The following CFAP54 variants were observed in gnomAD, a reference collection of about 807,000 sequenced individuals.
CFAP54 encodes cilia- and flagella-associated protein 54.
A neutral mutation model predicts 370.4 loss-of-function variants in CFAP54; 290 were observed. The ratio of observed to expected loss-of-function variants is 0.78; its 90% CI spans 0.71 to 0.86. The LOEUF is 0.86. Ranked by LOEUF, CFAP54 falls within the 40% of genes least tolerant of loss-of-function variation. CFAP54 has a pLI of 0.00. For synonymous variants in CFAP54, 1,206 were observed against 1,236.5 expected (o/e 0.98, Z 0.52); for missense variants, 3,399 against 3,528.7 (o/e 0.96, Z 0.93).
chr12:96,621,456 T>C (rs1282861866), intron 26 of CFAP54, 134 bp from the exon 27 acceptor site: 3 of 567,908 alleles, frequency 5.3e-6, no homozygotes, highest in African/African-American at 1.9e-5. Context: ...AAACTTACGG[T>C]TTTTTTTAAA....
chr12:96,496,122 A>G lies in CFAP54; in HGVS notation c.318-4712A>G, dbSNP rs55875930. On this transcript the variant is annotated intron_variant, in intron 1 of 67. Transcript: ENST00000524981. ...GTCATTGTTATTTATTACTTGGTAT[A>G]TGCATATATTTTTCTACCTAAATAT... Among the ~76,000 whole-genome samples, 498 of 152,318 alleles carry G rather than the reference A, an allele frequency of 3.3e-3. 3 individuals carry two copies. Among genetic ancestry groups the G allele is most frequent in the Non-Finnish European group, 5.9e-3 (398 of 68,032 alleles).
rs150497244 is a variant in CFAP54 at position 96,796,963 on chromosome 12, A to G, written c.8850+4464A>G. ...TTCTTACCTAATATATGCATTTTGA[A>G]GCTATGACTTTCTCTCTAAACATTG... On this transcript the variant is annotated intron_variant, in intron 63 of 67. Coordinates refer to ENST00000524981, the MANE Select transcript of CFAP54 (RefSeq NM_001306084.2). Among the ~76,000 whole-genome samples, 307 of 152,236 alleles carry G rather than the reference A, an allele frequency of 2.0e-3. 4 individuals carry two copies. In the South Asian group the frequency reaches 0.026, roughly 13 times the overall value.
intron 39 of CFAP54, among the ~76,000 whole-genome samples, chr12:96,664,527 T>C (rs1395884817): frequency 2.6e-5 from 4 of 151,814 alleles, no homozygotes; most frequent in Admixed American, 6.6e-5. Flanking sequence ...TTATCCAGTC[T>C]ATCATCGATG....
rs1016732993 is a variant in CFAP54 at position 96,522,215 on chromosome 12, T to G, written c.1158+26T>G. 4.3e-6 allele frequency: 6 copies of G among 1,410,250 alleles called. No individual in the cohort carries two copies. The African/African-American group carries it at 8.6e-5, about 20-fold the overall frequency. The allele number at this position is 1,410,250 out of a possible 1,614,324, so 87.4% of individuals were successfully genotyped here. ...GTAAGTCTAAACATGTCTTCTCTCTTTAAGACTCTTTTTGCAGTATATTTG... is the reference window on the plus strand; with the variant it reads ...GTAAGTCTAAACATGTCTTCTCTCTGTAAGACTCTTTTTGCAGTATATTTG... On this transcript the variant is annotated intron_variant, in intron 8 of 67. Coordinates refer to ENST00000524981, the MANE Select transcript of CFAP54 (RefSeq NM_001306084.2).
chr12:96,774,097 G>C (rs1179516415), intron 60 of CFAP54, among the ~76,000 whole-genome samples: 1 of 152,030 alleles, frequency 6.6e-6, no homozygotes, highest in East Asian at 1.9e-4. Flanking sequence ...ATCTTGTGAG[G>C]ACTAAGCTTG....
At chr12:96,643,158 T>G (rs990696626) in intron 32 of CFAP54, among the ~76,000 whole-genome samples, 7 of 152,174 alleles carry the variant, frequency 4.6e-5, no homozygotes, top group African/African-American at 1.4e-4. Flanking sequence ...AGATTCACAT[T>G]TATTGGGAAA....
At chr12:96,562,087 C>G (rs1955821758) in intron 17 of CFAP54, among the ~76,000 whole-genome samples, 1 of 151,848 alleles carries the variant, frequency 6.6e-6, no homozygotes, top group Non-Finnish European at 1.5e-5. Flanking sequence ...CGCCTGACCA[C>G]AAGTTCTTTT....
chr12:96,506,391 T>C (rs1427689224), intron 3 of CFAP54, among the ~76,000 whole-genome samples: 1 of 151,632 alleles, frequency 6.6e-6, no homozygotes, highest in Non-Finnish European at 1.5e-5. Context: ...ATAGGATTTG[T>C]TTTTCTTTCT....
chr12:96,571,757 T>G (rs1036074587), intron 19 of CFAP54, among the ~76,000 whole-genome samples: 1 of 69,972 alleles, frequency 1.4e-5, no homozygotes, highest in Non-Finnish European at 3.2e-5. Context: ...TTACTTCCCT[T>G]TTTTCTAGTT....
chr12:96,538,850 C>T (rs1393668569), intron 13 of CFAP54, among the ~76,000 whole-genome samples: 1 of 151,556 alleles, frequency 6.6e-6, no homozygotes, highest in South Asian at 2.1e-4. Context: ...CTCCTGGGCT[C>T]AAGTGATCCT....
At chr12:96,724,893 T>C (rs1354501635) in intron 50 of CFAP54, among the ~76,000 whole-genome samples, 1 of 152,248 alleles carries the variant, frequency 6.6e-6, no homozygotes, top group Non-Finnish European at 1.5e-5. Flanking sequence ...TTTCTCCATA[T>C]AGCTAGCCAT....
chr12:96,866,353 A>AT (rs1271779886), intron 67 of CFAP54, among the ~76,000 whole-genome samples: 1 of 152,106 alleles, frequency 6.6e-6, no homozygotes, highest in Admixed American at 6.5e-5. Context: ...AGGGATGGGA[A>AT]TTTTTTTACA....
At chr12:96,594,173 A>G (rs1956152331) in intron 24 of CFAP54, 118 bp from the exon 25 acceptor site, 1 of 656,524 alleles carries the variant, frequency 1.5e-6, no homozygotes, top group Non-Finnish European at 2.3e-6. Flanking sequence ...ATTTTTTAAA[A>G]TACAAACACT....
intron 17 of CFAP54, among the ~76,000 whole-genome samples, chr12:96,563,859 T>G (rs905216755): frequency 4.6e-5 from 7 of 152,206 alleles, no homozygotes; most frequent in African/African-American, 1.4e-4. Flanking sequence ...GCTAGTATAG[T>G]TGTATATAGT....
Position 96,756,448 on chromosome 12 carries a change from C to G in CFAP54, c.7841-10C>G. 1 of 1,527,560 alleles carries G rather than the reference C, an allele frequency of 6.5e-7. No homozygotes were observed. The allele number at this position is 1,527,560 out of a possible 1,614,324, so 94.6% of individuals were successfully genotyped here. ...GGAAAAACCATCTTTGTATCTTTTT[C>G]TTCTTTCAGGCAAAATAGAACGTCA... On this transcript the variant is annotated splice_polypyrimidine_tract_variant and intron_variant, in intron 56 of 67. Transcript: ENST00000524981.
chr12:96,871,803 A>AT (rs917933945), intron 67 of CFAP54, among the ~76,000 whole-genome samples: 9 of 152,220 alleles, frequency 5.9e-5, no homozygotes, highest in South Asian at 2.1e-4. Flanking sequence ...GTGCTACAGA[A>AT]TTTTTTTTAA....
intron 26 of CFAP54, among the ~76,000 whole-genome samples, chr12:96,614,604 T>C (rs1473954767): frequency 1.3e-5 from 2 of 152,242 alleles, no homozygotes; most frequent in African/African-American, 2.4e-5. Context: ...TGATTGTATA[T>C]GTAGAAAACC....
chr12:96,693,289 G>T (rs1337328121), intron 44 of CFAP54, among the ~76,000 whole-genome samples: 1 of 152,162 alleles, frequency 6.6e-6, no homozygotes, highest in African/African-American at 2.4e-5. Context: ...AAATGAATAA[G>T]TAGGATCCAG....
At chr12:96,828,927 A>T (rs962163112) in intron 65 of CFAP54, 87 bp from the exon 66 acceptor site, 4 of 665,552 alleles carry the variant, frequency 6.0e-6, no homozygotes, top group Non-Finnish European at 9.7e-6. Context: ...TCAAGAAAAG[A>T]CAAATGAAAT....
Sources: allele counts gnomAD v4.1 joint callset (sites outside exome capture counted in the v4.1 genomes callset), GRCh38; gene constraint gnomAD v4.1.1; transcripts MANE v1.5; gene names NCBI Gene and HGNC (gene_info 2026-07-23, HGNC 2026-07-21).